Variants in ITGB8 observed in about 807,000 individuals in gnomAD.
ITGB8 encodes the protein integrin beta-8.
In ITGB8, 30 loss-of-function variants were observed where a neutral mutation model predicts 89.5. The observed-to-expected ratio is 0.34, with a 90% CI of 0.25 to 0.45. The LOEUF is 0.45. Ranked by LOEUF, ITGB8 falls within the 20% of genes least tolerant of loss-of-function variation. The pLI is 1.00. For synonymous variants in ITGB8, 335 were observed against 320.4 expected, an observed-to-expected ratio of 1.05 and a Z score of -0.49; for missense variants, 836 against 933.3, an observed-to-expected ratio of 0.90 and a Z score of 1.36.
At chr7:20,341,934 G>A (rs374951129) in intron 1 of ITGB8, among the ~76,000 whole-genome samples, 1 of 151,940 alleles carries the variant, frequency 6.6e-6, no homozygotes, top group Non-Finnish European at 1.5e-5. Flanking sequence ...CTTTCTACTG[G>A]TGGGGTAGAA....
chr7:20,398,206 T>G (rs1787168050), intron 8 of ITGB8, among the ~76,000 whole-genome samples: 1 of 152,142 alleles, frequency 6.6e-6, no homozygotes, highest in African/African-American at 2.4e-5. Context: ...GAGGACCTAT[T>G]TTGGTATTAA....
intron 1 of ITGB8, among the ~76,000 whole-genome samples, chr7:20,347,568 G>T (rs1246022464): frequency 5.3e-5 from 8 of 152,136 alleles, no homozygotes; most frequent in Non-Finnish European, 7.3e-5. Context: ...GAGGAGTCAA[G>T]GTTGACCACA....
chr7:20,340,864 A>G (rs1784735112), intron 1 of ITGB8, among the ~76,000 whole-genome samples: 1 of 152,238 alleles, frequency 6.6e-6, no homozygotes, highest in East Asian at 1.9e-4. Flanking sequence ...AATAATTAAA[A>G]GGAAAATTCA....
At chr7:20,374,652 C>T (rs933440743) in intron 3 of ITGB8, among the ~76,000 whole-genome samples, 9 of 152,026 alleles carry the variant, frequency 5.9e-5, no homozygotes, top group African/African-American at 1.9e-4. Context: ...CTGGTAATTA[C>T]ATGAAGAAGA....
intron 1 of ITGB8, among the ~76,000 whole-genome samples, chr7:20,334,115 A>T (rs1467252641): frequency 6.6e-6 from 1 of 152,184 alleles, no homozygotes; most frequent in Non-Finnish European, 1.5e-5. Context: ...TCGAACATAT[A>T]GTGGACTTTT....
intron 1 of ITGB8, among the ~76,000 whole-genome samples, chr7:20,338,349 G>A (rs1012808742): frequency 2.0e-5 from 3 of 152,136 alleles, no homozygotes; most frequent in East Asian, 1.9e-4. Context: ...ACTGGGGGCC[G>A]GTTGCAGTGG....
At chr7:20,351,630 G>T (rs955939421) in intron 1 of ITGB8, among the ~76,000 whole-genome samples, 1 of 152,178 alleles carries the variant, frequency 6.6e-6, no homozygotes, top group Non-Finnish European at 1.5e-5. Context: ...ATTTTGAAAT[G>T]TGATTAAAGG....
intron 1 of ITGB8, among the ~76,000 whole-genome samples, chr7:20,357,889 T>G (rs1785353094): frequency 6.6e-6 from 1 of 152,242 alleles, no homozygotes; most frequent in Non-Finnish European, 1.5e-5. Context: ...ACACACTTAT[T>G]GACAATATGC....
At chr7:20,391,742 G>A (rs1786868034) in intron 7 of ITGB8, among the ~76,000 whole-genome samples, 1 of 152,152 alleles carries the variant, frequency 6.6e-6, no homozygotes, top group Non-Finnish European at 1.5e-5. Flanking sequence ...ATACACTTGA[G>A]TCCAGCCTGA....
At position 20,331,792 on chromosome 7, in the gene ITGB8, G is replaced by T; in HGVS notation, c.-15G>T. On this transcript the variant is annotated 5_prime_UTR_variant, in exon 1 of 14. Transcript: ENST00000222573. Reference sequence around the variant, plus strand: ...GGCAGTCAGGCGGCGGGCGCGGGGCGGGCTGTTTTGCATTATGTGCGGCTC... The same window carrying T: ...GGCAGTCAGGCGGCGGGCGCGGGGCTGGCTGTTTTGCATTATGTGCGGCTC... 6.2e-7 allele frequency: 1 copy of T among 1,608,214 alleles called. No individual in the cohort carries two copies. Among genetic ancestry groups the T allele is most frequent in the Non-Finnish European group, 8.5e-7 (1 of 1,177,870 alleles).
upstream of ITGB8, chr7:20,330,877 C>A: frequency 6.5e-6 from 1 of 153,078 alleles, no homozygotes; most frequent in Non-Finnish European, 1.5e-5. Flanking sequence ...TCGCCTCTCT[C>A]GCATCCTAGC....
chr7:20,342,181 G>A (rs529021599), intron 1 of ITGB8, among the ~76,000 whole-genome samples: 62 of 152,268 alleles, frequency 4.1e-4, no homozygotes, highest in African/African-American at 1.3e-3. Flanking sequence ...TCCAGAGGAC[G>A]TAAGAATTGG....
At chr7:20,376,751 C>T (rs1786163561) in intron 3 of ITGB8, among the ~76,000 whole-genome samples, 1 of 152,158 alleles carries the variant, frequency 6.6e-6, no homozygotes. Flanking sequence ...ACCCTCACAG[C>T]AAGCTCAAGG....
In ITGB8 at chr7:20,404,281, G is replaced by A. The variant is rs182195905; in HGVS notation, c.1688-347G>A. 4.6e-5 allele frequency among the ~76,000 whole-genome samples: 7 copies of A among 152,330 alleles called. No individual in the cohort carries two copies. In the East Asian group the frequency reaches 1.2e-3, roughly 25 times the overall value. On this transcript the variant is annotated intron_variant, in intron 10 of 13. Transcript: ENST00000222573. ...ATCTTTTCTAATTTCAAGTCAGGCA[G>A]TTAACATTACTTTGGCCTTTGCAGT...
At chr7:20,394,763 T>C (rs1178743898) in intron 7 of ITGB8, 133 bp from the exon 8 acceptor site, 2 of 643,784 alleles carry the variant, frequency 3.1e-6, no homozygotes, top group Non-Finnish European at 5.4e-6. Context: ...TATATTTTTC[T>C]TGTGTCTTAT....
Position 20,394,955 on chromosome 7 carries a change from C to T in ITGB8, c.1116C>T (p.Asn372=), listed in dbSNP as rs750626321. Residue 372 remains asparagine (N), a synonymous_variant, in exon 8 of 14, where the codon AAC becomes AAT. Transcript: ENST00000222573. ...GTGAAATAGAATCAAAGGCTGCAAA[C>T]CTCAATAATTTGGTAGTGGAAGCCT... is the stretch of plus-strand genomic sequence containing the variant. ...IAGEIESKAA[N]LNNLVVEAYQ... is the part of the protein sequence containing the mutation. The T allele has an allele frequency of 7.4e-6, 12 of 1,613,054 alleles. No individual in the cohort carries two copies. The highest frequency in any genetic ancestry group is 1.1e-5 in the South Asian group (1 of 91,052).
In ITGB8 at chr7:20,331,241, G is replaced by A. The variant is rs775249566; in HGVS notation, c.-566G>A. Reference sequence around the variant, plus strand: ...CGGGGCTGCAAAGCTGCAACTAATGGTGTTGGCCTCCCTGCCCACCTGTGG... The same window carrying A: ...CGGGGCTGCAAAGCTGCAACTAATGATGTTGGCCTCCCTGCCCACCTGTGG... On this transcript the variant is annotated 5_prime_UTR_variant, in exon 1 of 14. The change creates a new upstream start codon in the 5' untranslated region. Coordinates refer to ENST00000222573, the MANE Select transcript of ITGB8 (RefSeq NM_002214.3). 4 of 262,544 alleles carry A rather than the reference G, an allele frequency of 1.5e-5. No individual in the cohort carries two copies. Among genetic ancestry groups the A allele is most frequent in the Non-Finnish European group, 1.4e-5 (2 of 140,162 alleles). The allele number at this position is 262,544 out of a possible 1,614,324, so 16.3% of individuals were successfully genotyped here.
At chr7:20,344,947 G>T (rs994436713) in intron 1 of ITGB8, among the ~76,000 whole-genome samples, 54 of 152,182 alleles carry the variant, frequency 3.5e-4, no homozygotes, top group African/African-American at 1.3e-3. Flanking sequence ...TGGAGCTTTC[G>T]TTCTAATGGA....
At chr7:20,362,156 C>T (rs67574710) in intron 1 of ITGB8, among the ~76,000 whole-genome samples, 36,657 of 152,104 alleles carry the variant, frequency 0.24, 4,952 homozygotes, top group Non-Finnish European at 0.29. Flanking sequence ...CTCCTACTAC[C>T]TTCCCCTCTC....
Sources: gnomAD v4.1 joint callset for allele counts (sites outside exome capture counted in the v4.1 genomes callset) on GRCh38, gnomAD v4.1.1 for gene constraint, MANE v1.5 for transcripts, NCBI Gene and HGNC (gene_info 2026-07-23, HGNC 2026-07-21) for gene names.